The following OPCML variants were observed in gnomAD, a reference collection of about 807,000 sequenced individuals.
The protein encoded by OPCML is opioid binding protein/cell adhesion molecule like.
Under a neutral mutation model 37.8 loss-of-function variants are expected in OPCML, and 13 were observed. The ratio of observed to expected loss-of-function variants is 0.34; its 90% CI spans 0.22 to 0.55. The LOEUF (loss-of-function observed/expected upper bound fraction) is 0.55. Among genes scored for constraint, OPCML ranks in the 20% least tolerant of loss-of-function variants. The pLI is 0.91. For missense variants in OPCML, 341 were observed against 435.6 expected (o/e 0.78, Z 1.93); for synonymous variants, 176 against 168.8 (o/e 1.04, Z -0.33).
chr11:133,312,350 G>A (rs984125233), intron 1 of OPCML, among the ~76,000 whole-genome samples: 3 of 152,106 alleles, frequency 2.0e-5, no homozygotes, highest in Non-Finnish European at 4.4e-5. Context: ...ACAAAACACC[G>A]CATTGTGAGA....
chr11:133,464,079 G>A (rs941612167), intron 1 of OPCML, among the ~76,000 whole-genome samples: 6 of 147,746 alleles, frequency 4.1e-5, no homozygotes, highest in Admixed American at 2.0e-4. Flanking sequence ...CAGATAAGAG[G>A]GACTCCAACT....
chr11:133,420,337 T>C (rs1279259976), intron 1 of OPCML: 1 of 985,496 alleles, frequency 1.0e-6, no homozygotes, highest in Non-Finnish European at 1.2e-6. Context: ...CCTTTTTAGA[T>C]ATCCTTTGCT....
At chr11:132,595,001 A>G (rs936388084) in intron 3 of OPCML, among the ~76,000 whole-genome samples, 5 of 152,146 alleles carry the variant, frequency 3.3e-5, no homozygotes, top group Admixed American at 3.3e-4. Context: ...TAAAATCATC[A>G]TTGAGTTGTT....
At chr11:133,180,591 A>T (rs11223381) in intron 1 of OPCML, among the ~76,000 whole-genome samples, 4,616 of 152,210 alleles carry the variant, frequency 0.03, 107 homozygotes, top group Non-Finnish European at 0.049. Flanking sequence ...GGGAAATGAG[A>T]GGAAGAGTGT....
At chr11:132,743,470 C>T (rs889466352) in intron 2 of OPCML, among the ~76,000 whole-genome samples, 1 of 152,114 alleles carries the variant, frequency 6.6e-6, no homozygotes, top group African/African-American at 2.4e-5. Flanking sequence ...TAGATCAGAG[C>T]AGAAGATCTT....
intron 1 of OPCML, among the ~76,000 whole-genome samples, chr11:133,318,976 G>A (rs535917411): frequency 2.0e-5 from 3 of 151,498 alleles, no homozygotes; most frequent in Non-Finnish European, 2.9e-5. Context: ...GCAGTGAGCC[G>A]AGATCACACC....
rs74386156 is a variant in OPCML at position 132,452,194 on chromosome 11, G to T, written c.506-14835C>A. ...TGCCTCAGAGTTGTTAATGACTTTTGTGTCATGGGGTCTAAAGCAGTTGCT... is the reference window on the plus strand; with the variant it reads ...TGCCTCAGAGTTGTTAATGACTTTTTTGTCATGGGGTCTAAAGCAGTTGCT... On this transcript the variant is annotated intron_variant, in intron 4 of 7. Transcript: ENST00000524381. 2.1e-3 allele frequency among the ~76,000 whole-genome samples: 321 copies of T among 152,280 alleles called. 1 individual carries two copies. Among genetic ancestry groups the T allele is most frequent in the African/African-American group, 7.5e-3 (311 of 41,540 alleles).
chr11:133,252,305 G>A (rs1026207747), intron 1 of OPCML, among the ~76,000 whole-genome samples: 1 of 152,150 alleles, frequency 6.6e-6, no homozygotes, highest in African/African-American at 2.4e-5. Flanking sequence ...TAACATTAAC[G>A]TTTCATCCAG....
At chr11:132,716,206 A>G (rs950358907) in intron 2 of OPCML, among the ~76,000 whole-genome samples, 1 of 152,158 alleles carries the variant, frequency 6.6e-6, no homozygotes, top group African/African-American at 2.4e-5. Flanking sequence ...CAGACTCCCA[A>G]ACTCACTCCA....
At chr11:132,468,479 GA>G (rs2096126183) in intron 4 of OPCML, among the ~76,000 whole-genome samples, 1 of 152,036 alleles carries the variant, frequency 6.6e-6, no homozygotes, top group Non-Finnish European at 1.5e-5. Context: ...TTTTTAAAAC[GA>G]TTTCTAAAAA....
chr11:133,211,623 G>A lies in OPCML; in HGVS notation c.62-268613C>T, dbSNP rs1451258949. On this transcript the variant is annotated intron_variant, in intron 1 of 7. Coordinates refer to ENST00000524381, the MANE Select transcript of OPCML (RefSeq NM_001012393.5). This position sits in a 1 kb window ranked among gnomAD's most constrained non-coding sequence, Gnocchi z 4.1. ...CTAGAAGGGAGCTGAGGTACCCAGA[G>A]GCCCTTCCCTAATAGCTGGAATTGT... Among the ~76,000 whole-genome samples the A allele has an allele frequency of 1.3e-5, 2 of 152,188 alleles. No homozygotes were observed. Among genetic ancestry groups the A allele is most frequent in the Non-Finnish European group, 2.9e-5 (2 of 68,034 alleles).
At chr11:132,684,493 A>T (rs768494445) in intron 2 of OPCML, among the ~76,000 whole-genome samples, 70 of 152,344 alleles carry the variant, frequency 4.6e-4, no homozygotes, top group Non-Finnish European at 7.8e-4. Flanking sequence ...CCATTTCCAC[A>T]GAGGACACAG....
intron 3 of OPCML, among the ~76,000 whole-genome samples, chr11:132,654,655 G>T (rs1941610513): frequency 6.7e-6 from 1 of 149,710 alleles, no homozygotes; most frequent in South Asian, 2.1e-4. Context: ...TCCAAGAGAA[G>T]ATCTTCCCCA....
intron 3 of OPCML, among the ~76,000 whole-genome samples, chr11:132,603,320 T>C (rs1457196452): frequency 6.6e-6 from 1 of 152,210 alleles, no homozygotes; most frequent in Non-Finnish European, 1.5e-5. Flanking sequence ...CCTGTGCTTG[T>C]ATCTTGTGCT....
chr11:132,512,760 A>ATT (rs1481650532), intron 4 of OPCML, among the ~76,000 whole-genome samples: 2 of 151,836 alleles, frequency 1.3e-5, no homozygotes, highest in Non-Finnish European at 2.9e-5. Flanking sequence ...CATGTAATAT[A>ATT]TATATATTAA....
intron 2 of OPCML, among the ~76,000 whole-genome samples, chr11:132,876,595 C>T (rs895350903): frequency 2.6e-5 from 4 of 152,110 alleles, no homozygotes; most frequent in African/African-American, 9.7e-5. Flanking sequence ...CTTTGAACGC[C>T]AACAAGGAGT....
chr11:132,484,108 A>T (rs1487125221), intron 4 of OPCML, among the ~76,000 whole-genome samples: 2 of 152,360 alleles, frequency 1.3e-5, no homozygotes, highest in African/African-American at 4.8e-5. Context: ...AGCAAAAGAA[A>T]CTACCTTCAG....
chr11:132,772,607 C>T (rs1364190906), intron 2 of OPCML: 1 of 152,396 alleles, frequency 6.6e-6, no homozygotes, highest in Admixed American at 6.5e-5. Flanking sequence ...CCTCAGGGTC[C>T]TGGGAAGTGG....
chr11:132,723,183 C>T (rs920307058), intron 2 of OPCML, among the ~76,000 whole-genome samples: 2 of 152,322 alleles, frequency 1.3e-5, no homozygotes, highest in African/African-American at 4.8e-5. Flanking sequence ...CCACAGCATG[C>T]TTTTCATATA....
Sources: allele counts gnomAD v4.1 joint callset (sites outside exome capture counted in the v4.1 genomes callset), GRCh38; gene constraint gnomAD v4.1.1; non-coding constraint Gnocchi (gnomAD v3.1); transcripts MANE v1.5; gene names NCBI Gene and HGNC (gene_info 2026-07-23, HGNC 2026-07-21).